CUL9: variants seen among roughly 807,000 people sequenced by gnomAD.
CUL9 encodes the protein cullin 9, also known as cullin-9.
A neutral mutation model predicts 272.6 loss-of-function variants in CUL9; 79 were observed. The ratio of observed to expected loss-of-function variants is 0.29; its 90% CI spans 0.24 to 0.35. The LOEUF is 0.35. Ranked by LOEUF, CUL9 falls within the 10% of genes least tolerant of loss-of-function variation. CUL9 has a pLI of 1.00. For missense variants in CUL9, 2,532 were observed against 3,255.6 expected, an observed-to-expected ratio of 0.78 and a Z score of 5.41; for synonymous variants, 1,186 against 1,286.5, an observed-to-expected ratio of 0.92 and a Z score of 1.67.
chr6:43,217,909 A>G (rs1776049780), intron 31 of CUL9, among the ~76,000 whole-genome samples: 1 of 152,214 alleles, frequency 6.6e-6, no homozygotes, highest in Non-Finnish European at 1.5e-5. Flanking sequence ...TGCTGTTTAC[A>G]TGCATTATTT....
Position 43,200,785 on chromosome 6 carries a change from A to G in CUL9, c.3598A>G (p.Thr1200Ala), listed in dbSNP as rs1025126303. ...GACCTACTGGGAGTCCAACGGCAGC[A>G]CCGGCTCCCACTACATCACCCTGCA... ...PKTYWESNGS[T>A]GSHYITLHMH... Residue 1200 changes from threonine (T) to alanine (A), a missense_variant, in exon 16 of 41, where the codon ACC (threonine) becomes GCC (alanine). Coordinates refer to ENST00000252050, the MANE Select transcript of CUL9 (RefSeq NM_015089.4). The surrounding 1 kb of genome is among the most constrained non-coding windows in gnomAD (Gnocchi z 4.0). 6.2e-7 allele frequency: 1 copy of G among 1,614,230 alleles called. No individual in the cohort carries two copies. Among genetic ancestry groups the G allele is most frequent in the Non-Finnish European group, 8.5e-7 (1 of 1,180,042 alleles).
chr6:43,216,517 A>G lies in CUL9; in HGVS notation c.6282+14A>G. 1 of 1,567,090 alleles carries G rather than the reference A, an allele frequency of 6.4e-7. No homozygotes were observed. The highest frequency in any genetic ancestry group is 8.7e-7 in the Non-Finnish European group (1 of 1,148,470). Reference sequence around the variant, plus strand: ...TATTGCTGTAAGGTGAGGCCCCACCAGCATTGCTCCTGCCCCTGGCTTTCT... The same window carrying G: ...TATTGCTGTAAGGTGAGGCCCCACCGGCATTGCTCCTGCCCCTGGCTTTCT... On this transcript the variant is annotated intron_variant, in intron 31 of 40. Coordinates refer to ENST00000252050, the MANE Select transcript of CUL9 (RefSeq NM_015089.4).
At position 43,188,585 on chromosome 6, in the gene CUL9, G is replaced by T; in HGVS notation, c.2050G>T (p.Val684Phe). ...CTCCCTGGATCAGCATGTGGCAGCG[G>T]TCGTGGCCACTGTGCAGATATCCAG... ...RSSLDQHVAA[V>F]VATVQISSLD... Residue 684 changes from valine to phenylalanine, a missense_variant, in exon 8 of 41, where the codon GTC (valine) becomes TTC (phenylalanine). Coordinates refer to ENST00000252050, the MANE Select transcript of CUL9 (RefSeq NM_015089.4). 6.2e-7 allele frequency: 1 copy of T among 1,614,200 alleles called. No homozygotes were observed. Among genetic ancestry groups the T allele is most frequent in the Non-Finnish European group, 8.5e-7 (1 of 1,180,032 alleles).
At chr6:43,195,843 TTTG>T (rs1410418802) in intron 9 of CUL9, among the ~76,000 whole-genome samples, 1 of 152,112 alleles carries the variant, frequency 6.6e-6, no homozygotes, top group Non-Finnish European at 1.5e-5. Flanking sequence ...CTCAGAGTTT[TTTG>T]TTGTTGTTTA....
chr6:43,199,390 G>T lies in CUL9; in HGVS notation c.3156+19G>T. ...CTCCGAGGTACCAGAACCCTGGCAAGGAGAAGAGAGGGAAGGGCAGCATCT... is the reference window on the plus strand; with the variant it reads ...CTCCGAGGTACCAGAACCCTGGCAATGAGAAGAGAGGGAAGGGCAGCATCT... On this transcript the variant is annotated intron_variant, in intron 13 of 40. Transcript: ENST00000252050. The surrounding 1 kb of genome is among the most constrained non-coding windows in gnomAD (Gnocchi z 4.4). 1 of 1,587,806 alleles carries T rather than the reference G, an allele frequency of 6.3e-7. No homozygotes were observed. Among genetic ancestry groups the T allele is most frequent in the South Asian group, 1.1e-5 (1 of 90,552 alleles).
chr6:43,215,452 T>C, intron 30 of CUL9, 126 bp downstream of exon 30: 1 of 1,367,442 alleles, frequency 7.3e-7, no homozygotes, highest in Non-Finnish European at 9.7e-7. Context: ...CCCTGTTATT[T>C]CCCTGACTTT....
rs577954911 is a variant in CUL9, at chr6:43,218,278, G to T, written c.6282+1775G>T. Among the ~76,000 whole-genome samples, 81 of 151,994 alleles carry T rather than the reference G, an allele frequency of 5.3e-4. No homozygotes were observed. Among genetic ancestry groups the T allele is most frequent in the African/African-American group, 1.8e-3 (73 of 41,452 alleles). On this transcript the variant is annotated intron_variant, in intron 31 of 40. Transcript: ENST00000252050. This position sits in a 1 kb window ranked among gnomAD's most constrained non-coding sequence, Gnocchi z 4.4. ...GTCACCCAGGCTGCAGTGCAGTGGC[G>T]CGATCTCGGCTCATTGCAACCTCCA...
rs1453396045 is a variant in CUL9, at chr6:43,222,294, CCT to C, written c.6847-20_6847-19del. ...CTGTCCAAACAAAACACCCAATAGC[CCT>C]CCCAACGTATCCTTGCTAGGTAAGC... On this transcript the variant is annotated intron_variant, in intron 35 of 40. Coordinates refer to ENST00000252050, the MANE Select transcript of CUL9 (RefSeq NM_015089.4). 2.6e-5 allele frequency: 42 copies of C among 1,609,354 alleles called. No homozygotes were observed. The Middle Eastern group carries it at 8.2e-4, about 32-fold the overall frequency.
chr6:43,212,992 C>G (rs1456242163), intron 26 of CUL9, 157 bp from the exon 27 acceptor site: 7 of 800,902 alleles, frequency 8.7e-6, no homozygotes, highest in Non-Finnish European at 1.4e-5. Context: ...GCAGGGAAGG[C>G]TGAGATCTGG....
At position 43,203,777 on chromosome 6, in the gene CUL9, G is replaced by A. The variant is rs1044964234; in HGVS notation, c.4026-77G>A. On this transcript the variant is annotated intron_variant, in intron 19 of 40. Transcript: ENST00000252050. This position sits in a 1 kb window ranked among gnomAD's most constrained non-coding sequence, Gnocchi z 5.0. ...TCAGGGACCGAACAGGGGTGATTGG[G>A]AGCTGATCTGCACTTGAATGGAGGC... The A allele has an allele frequency of 3.2e-6, 5 of 1,542,276 alleles. No individual in the cohort carries two copies. In the African/African-American group the frequency reaches 4.1e-5, roughly 13 times the overall value.
At chr6:43,194,437 G>A (rs1401329738) in intron 9 of CUL9, among the ~76,000 whole-genome samples, 1 of 151,884 alleles carries the variant, frequency 6.6e-6, no homozygotes, top group African/African-American at 2.4e-5. Flanking sequence ...TCCCGCCTCA[G>A]CCTCCCGAGT....
chr6:43,184,828 A>T lies in CUL9; in HGVS notation c.518A>T (p.His173Leu). The T allele has an allele frequency of 6.2e-7, 1 of 1,612,644 alleles. No individual in the cohort carries two copies. Among genetic ancestry groups the T allele is most frequent in the Non-Finnish European group, 8.5e-7 (1 of 1,180,018 alleles). Residue 173 changes from histidine to leucine, a missense_variant, in exon 2 of 41, where the codon CAC (histidine) becomes CTC (leucine). His to Leu is a moderately conservative substitution (Grantham distance 99). Coordinates refer to ENST00000252050, the MANE Select transcript of CUL9 (RefSeq NM_015089.4). The surrounding 1 kb of genome is among the most constrained non-coding windows in gnomAD (Gnocchi z 4.8). ...RETGALDLLM[H>L]MLCNPEPQIR... ...ACAGGAGCCCTGGACCTGCTCATGC[A>T]CATGTTATGCAATCCTGAGCCTCAG... is the stretch of plus-strand genomic sequence containing the variant.
Position 43,187,916 on chromosome 6 carries a change from A to G in CUL9, c.1785A>G (p.Glu595=), listed in dbSNP as rs770883961. 3 of 1,614,092 alleles carry G rather than the reference A, an allele frequency of 1.9e-6. No individual in the cohort carries two copies. Among genetic ancestry groups the G allele is most frequent in the African/African-American group, 1.3e-5 (1 of 75,016 alleles). The change falls in exon 7 of 41, where the codon GAA becomes GAG. Residue 595 remains glutamate, a synonymous_variant. Coordinates refer to ENST00000252050, the MANE Select transcript of CUL9 (RefSeq NM_015089.4). ...SRNHSCTPDP[E]EESKSEASFS... is the part of the protein sequence containing the mutation. Reference sequence around the variant, plus strand: ...ATCACTCCTGTACCCCAGATCCAGAAGAGGAGTCCAAGTCGGAGGCCAGCT... The same window carrying G: ...ATCACTCCTGTACCCCAGATCCAGAGGAGGAGTCCAAGTCGGAGGCCAGCT...
rs563008923 is a variant in CUL9, at chr6:43,204,639, T to C, written c.4339+100T>C. On this transcript the variant is annotated intron_variant, in intron 21 of 40. Coordinates refer to ENST00000252050, the MANE Select transcript of CUL9 (RefSeq NM_015089.4). ...ACTCTTGCTGCTTTGCTACCGGCCT[T>C]TCCAGGCCCCTGAGACCTACTGGCC... 3.3e-5 allele frequency: 52 copies of C among 1,579,850 alleles called. No individual in the cohort carries two copies. In the Middle Eastern group the frequency reaches 5.1e-4, roughly 16 times the overall value.
At position 43,220,741 on chromosome 6, in the gene CUL9, C is replaced by A. The variant is rs1406929903; in HGVS notation, c.6424-6C>A. 1.2e-6 allele frequency: 2 copies of A among 1,611,838 alleles called. No individual in the cohort carries two copies. Among genetic ancestry groups the A allele is most frequent in the Non-Finnish European group, 1.7e-6 (2 of 1,179,502 alleles). ...CCCTCACCTCGTGGCACCTGCGTCT[C>A]CACAGTATGAGAAGGCGCTCCTGCG... On this transcript the variant is annotated splice_polypyrimidine_tract_variant and splice_region_variant and intron_variant, in intron 32 of 40. Transcript: ENST00000252050. This position sits in a 1 kb window ranked among gnomAD's most constrained non-coding sequence, Gnocchi z 4.9.
At chr6:43,191,252 T>TTGTGTGTGTGTGTG (rs58122260) in intron 8 of CUL9, among the ~76,000 whole-genome samples, 176 of 127,020 alleles carry the variant, frequency 1.4e-3, no homozygotes, top group African/African-American at 5.1e-3. Context: ...CTAAATTGCA[T>TTGTGTGTGTGTGTG]TGTGTGTGTG....
In CUL9 at chr6:43,221,376, G is replaced by A. The variant is rs187020748; in HGVS notation, c.6752+55G>A. 1.7e-3 allele frequency: 2,545 copies of A among 1,490,522 alleles called. 3 individuals are homozygous for A. Among genetic ancestry groups the A allele is most frequent in the Middle Eastern group, 2.1e-3 (9 of 4,286 alleles). The allele number at this position is 1,490,522 out of a possible 1,614,324, so 92.3% of individuals were successfully genotyped here. A position where few individuals can be genotyped will look rare whatever the true frequency, so the allele number is the denominator to read the frequency against. The stretch of plus-strand genomic sequence containing the variant: ...AGGGCAAGGAGGGGGGAGGAGGCCT[G>A]GCAGAAGGAGGGGGGAACGGGCTTA... On this transcript the variant is annotated intron_variant, in intron 34 of 40. Coordinates refer to ENST00000252050, the MANE Select transcript of CUL9 (RefSeq NM_015089.4). This position sits in a 1 kb window ranked among gnomAD's most constrained non-coding sequence, Gnocchi z 4.2.
At position 43,200,448 on chromosome 6, in the gene CUL9, C is replaced by T; in HGVS notation, c.3397C>T (p.Gln1133Ter). The T allele has an allele frequency of 6.2e-7, 1 of 1,614,132 alleles. No individual in the cohort carries two copies. The highest frequency in any genetic ancestry group is 8.5e-7 in the Non-Finnish European group (1 of 1,180,028). Residue 1133 changes from glutamine to a stop codon, truncating the protein, a stop_gained, in exon 15 of 41, where the codon CAG (glutamine) becomes TAG (stop). Coordinates refer to ENST00000252050, the MANE Select transcript of CUL9 (RefSeq NM_015089.4). LOFTEE classifies it high-confidence loss of function. This position sits in a 1 kb window ranked among gnomAD's most constrained non-coding sequence, Gnocchi z 4.0. ...LAGCIQMVLG[Q>*]IEDHRRTHQP... is the part of the protein sequence containing the mutation. Reference sequence around the variant, plus strand: ...GTTCCGGCTGCAGATGGTGCTGGGCCAGATCGAAGACCACAGACGAACCCA... The same window carrying T: ...GTTCCGGCTGCAGATGGTGCTGGGCTAGATCGAAGACCACAGACGAACCCA...
intron 1 of CUL9, among the ~76,000 whole-genome samples, chr6:43,183,311 AT>A (rs1772588993): frequency 6.6e-6 from 1 of 152,062 alleles, no homozygotes; most frequent in Non-Finnish European, 1.5e-5. Context: ...CTTTCCCATA[AT>A]TTTATCTGGT....
Sources: allele counts gnomAD v4.1 joint callset (sites outside exome capture counted in the v4.1 genomes callset), GRCh38; gene constraint gnomAD v4.1.1; non-coding constraint Gnocchi (gnomAD v3.1); transcripts MANE v1.5; gene names NCBI Gene and HGNC (gene_info 2026-07-23, HGNC 2026-07-21).